The following MYC variants were observed in gnomAD, a reference collection of about 807,000 sequenced individuals.
The protein encoded by MYC is MYC proto-oncogene, bHLH transcription factor.
MYC carries 1 observed loss-of-function variant against 30.5 expected under a neutral mutation model. That is an observed-to-expected ratio of 0.03 (90% CI 0.01 to 0.16). The LOEUF (loss-of-function observed/expected upper bound fraction) is 0.16. Among genes scored for constraint, MYC ranks in the 10% least tolerant of loss-of-function variants. The pLI is 1.00. For synonymous variants in MYC, 267 were observed against 250.7 expected (o/e 1.07, Z -0.62); for missense variants, 508 against 589.0 (o/e 0.86, Z 1.42).
intron 2 of MYC, 124 bp downstream of exon 2, chr8:127,739,143 G>A: frequency 1.8e-6 from 2 of 1,122,714 alleles, no homozygotes; most frequent in Non-Finnish European, 1.2e-6. Context: ...GGAGAGATTT[G>A]GGAGCTCATC....
At position 127,742,073 on chromosome 8, in the gene MYC, T is replaced by C. The variant is rs1813721197; in HGVS notation, c.*1115T>C. ...CAAAACACTTAACCCTTCGCTATCA[T>C]GCCTTGGTTCATCTGGGTCTAATGT... On this transcript the variant is annotated 3_prime_UTR_variant, in exon 3 of 3. Coordinates refer to ENST00000621592, the MANE Select transcript of MYC (RefSeq NM_002467.6). Among the ~76,000 whole-genome samples the C allele has an allele frequency of 6.6e-6, 1 of 152,262 alleles. No individual in the cohort carries two copies. Among genetic ancestry groups the C allele is most frequent in the African/African-American group, 2.4e-5 (1 of 41,466 alleles).
rs1042728424 is a variant in MYC at position 127,738,074 on chromosome 8, G to C, written c.31-174G>C. On this transcript the variant is annotated intron_variant, in intron 1 of 2. Coordinates refer to ENST00000621592, the MANE Select transcript of MYC (RefSeq NM_002467.6). The surrounding 1 kb of genome is among the most constrained non-coding windows in gnomAD (Gnocchi z 7.6). ...CGAGATAGCAGGGGACTGTCCAAAGGGGGTGAAAGGGTGCTCCCTTTATTC... is the reference window on the plus strand; with the variant it reads ...CGAGATAGCAGGGGACTGTCCAAAGCGGGTGAAAGGGTGCTCCCTTTATTC... Among the ~76,000 whole-genome samples the C allele has an allele frequency of 3.3e-5, 5 of 152,106 alleles. No individual in the cohort carries two copies. The highest frequency in any genetic ancestry group is 5.9e-5 in the Non-Finnish European group (4 of 68,016).
rs2130103403 is a variant in MYC at position 127,740,536 on chromosome 8, T to C, written c.943T>C (p.Cys315Arg). 2 of 1,613,516 alleles carry C rather than the reference T, an allele frequency of 1.2e-6. No homozygotes were observed. The highest frequency in any genetic ancestry group is 2.2e-5 in the South Asian group (2 of 91,026). ...TCACAGCCCACTGGTCCTCAAGAGG[T>C]GCCACGTCTCCACACATCAGCACAA... Residue 315 changes from cysteine (C) to arginine (R), a missense_variant, in exon 3 of 3, where the codon TGC (cysteine) becomes CGC (arginine). Around this residue, in one of 5 missense-constraint regions of MYC, gnomAD observed 364 missense variants for 381.1 expected, o/e 0.96. Coordinates refer to ENST00000621592, the MANE Select transcript of MYC (RefSeq NM_002467.6).
chr8:127,736,462 T>C lies in MYC; in HGVS notation c.-132T>C, dbSNP rs568267700. 5.0e-6 allele frequency: 5 copies of C among 1,007,598 alleles called. No homozygotes were observed. The African/African-American group carries it at 8.0e-5, about 16-fold the overall frequency. The allele number at this position is 1,007,598 out of a possible 1,614,324, so 62.4% of individuals were successfully genotyped here. A position where few individuals can be genotyped will look rare whatever the true frequency, so the allele number is the denominator to read the frequency against. Reference sequence around the variant, plus strand: ...ATAGCAGCGGGCGGGCACTTTGCACTGGAACTTACAACACCCGAGCAAGGA... The same window carrying C: ...ATAGCAGCGGGCGGGCACTTTGCACCGGAACTTACAACACCCGAGCAAGGA... On this transcript the variant is annotated 5_prime_UTR_variant, in exon 1 of 3. Transcript: ENST00000621592.
chr8:127,741,418 A>G lies in MYC; in HGVS notation c.*460A>G, dbSNP rs1359749415. ...AAATAAAATAACTGGCAAATATATC[A>G]TTGAGCCAAATCTTAAGTTGTGAAT... On this transcript the variant is annotated 3_prime_UTR_variant, in exon 3 of 3. Coordinates refer to ENST00000621592, the MANE Select transcript of MYC (RefSeq NM_002467.6). 2 of 223,048 alleles carry G rather than the reference A, an allele frequency of 9.0e-6. No individual in the cohort carries two copies. The highest frequency in any genetic ancestry group is 4.5e-5 in the African/African-American group (2 of 44,880). The allele number at this position is 223,048 out of a possible 1,614,324, so 13.8% of individuals were successfully genotyped here.
Position 127,742,639 on chromosome 8 carries a change from T to A in MYC, c.*1681T>A, listed in dbSNP as rs1435856709. Among the ~76,000 whole-genome samples the A allele has an allele frequency of 6.6e-6, 1 of 152,216 alleles. No individual in the cohort carries two copies. The highest frequency in any genetic ancestry group is 1.5e-5 in the Non-Finnish European group (1 of 68,050). On this transcript the variant is annotated 3_prime_UTR_variant, in exon 3 of 3. Coordinates refer to ENST00000621592, the MANE Select transcript of MYC (RefSeq NM_002467.6). ...AGTTCAGATCATAAAATAAAACATATTTATTCTTTGTCATGGGAGTCATTA... is the reference window on the plus strand; with the variant it reads ...AGTTCAGATCATAAAATAAAACATAATTATTCTTTGTCATGGGAGTCATTA...
chr8:127,740,264 C>G (rs1813686667), intron 2 of MYC, 132 bp from the exon 3 acceptor site: 3 of 977,080 alleles, frequency 3.1e-6, no homozygotes, highest in South Asian at 3.4e-5. Context: ...AGATGTGGCT[C>G]TTTGGGGAGA....
rs2130106828 is a variant in MYC at position 127,740,785 on chromosome 8, G to C, written c.1192G>C (p.Glu398Gln). Reference sequence around the variant, plus strand: ...TTTTGCCCTGCGTGACCAGATCCCGGAGTTGGAAAACAATGAAAAGGCCCC... The same window carrying C: ...TTTTGCCCTGCGTGACCAGATCCCGCAGTTGGAAAACAATGAAAAGGCCCC... Residue 398 changes from glutamate to glutamine, a missense_variant, in exon 3 of 3, where the codon GAG (glutamate) becomes CAG (glutamine). Coordinates refer to ENST00000621592, the MANE Select transcript of MYC (RefSeq NM_002467.6). The C allele has an allele frequency of 6.2e-7, 1 of 1,613,992 alleles. No individual in the cohort carries two copies. The highest frequency in any genetic ancestry group is 8.5e-7 in the Non-Finnish European group (1 of 1,180,006).
intron 2 of MYC, among the ~76,000 whole-genome samples, chr8:127,740,193 T>C (rs899652500): frequency 2.6e-5 from 4 of 152,054 alleles, no homozygotes; most frequent in Non-Finnish European, 4.4e-5. Flanking sequence ...GACCTCACGA[T>C]CCGCCCACCT....
chr8:127,736,282 G>C lies in MYC; in HGVS notation c.-312G>C. The C allele has an allele frequency of 1.8e-6, 1 of 546,914 alleles. No individual in the cohort carries two copies. Among genetic ancestry groups the C allele is most frequent in the South Asian group, 2.7e-5 (1 of 37,644 alleles). The allele number at this position is 546,914 out of a possible 1,614,324, so 33.9% of individuals were successfully genotyped here. On this transcript the variant is annotated 5_prime_UTR_variant, in exon 1 of 3. Transcript: ENST00000621592. ...GGCAGAGGGAGCGAGCGGGCGGCCG[G>C]CTAGGGTGGAAGAGCCGGGCGAGCA...
intron 1 of MYC, 36 bp downstream of exon 1, chr8:127,736,659 T>C (rs765884995): frequency 6.2e-7 from 1 of 1,607,170 alleles, no homozygotes; most frequent in South Asian, 1.1e-5. Context: ...TTAATTTATT[T>C]TTTTATCACT....
At position 127,738,981 on chromosome 8, in the gene MYC, T is replaced by A; in HGVS notation, c.764T>A (p.Leu255His). Residue 255 changes from leucine to histidine, a missense_variant, in exon 2 of 3, where the codon CTC (leucine) becomes CAC (histidine). Physicochemically the swap from Leu to His is moderately conservative, Grantham distance 99. Coordinates refer to ENST00000621592, the MANE Select transcript of MYC (RefSeq NM_002467.6). This position sits in a 1 kb window ranked among gnomAD's most constrained non-coding sequence, Gnocchi z 7.6. ...CAGGGCAGCCCCGAGCCCCTGGTGC[T>A]CCATGAGGAGACACCGCCCACCACC... The A allele has an allele frequency of 6.5e-7, 1 of 1,545,082 alleles. No individual in the cohort carries two copies. Among genetic ancestry groups the A allele is most frequent in the South Asian group, 1.2e-5 (1 of 82,224 alleles).
intron 1 of MYC, among the ~76,000 whole-genome samples, chr8:127,736,956 T>C (rs1196746066): frequency 2.0e-5 from 3 of 152,206 alleles, no homozygotes; most frequent in Non-Finnish European, 1.5e-5. Context: ...TCTCTGGGTT[T>C]TGGGGGGCTG....
In MYC at chr8:127,736,376, C is replaced by A; in HGVS notation, c.-218C>A. On this transcript the variant is annotated 5_prime_UTR_variant, in exon 1 of 3. Transcript: ENST00000621592. ...TAGGGGGCTTCGCCTCTGGCCCAGC[C>A]CTCCCGCTGATCCCCCAGCCAGCGG... 1.6e-6 allele frequency: 1 copy of A among 611,938 alleles called. No homozygotes were observed. Among genetic ancestry groups the A allele is most frequent in the Non-Finnish European group, 2.9e-6 (1 of 345,786 alleles). The allele number at this position is 611,938 out of a possible 1,614,324, so 37.9% of individuals were successfully genotyped here.
Position 127,738,135 on chromosome 8 carries a change from C to T in MYC, c.31-113C>T. The T allele has an allele frequency of 1.5e-6, 2 of 1,317,252 alleles. No homozygotes were observed. Among genetic ancestry groups the T allele is most frequent in the Admixed American group, 4.8e-5 (2 of 42,020 alleles). The allele number at this position is 1,317,252 out of a possible 1,614,324, so 81.6% of individuals were successfully genotyped here. On this transcript the variant is annotated intron_variant, in intron 1 of 2. Transcript: ENST00000621592. The surrounding 1 kb of genome is among the most constrained non-coding windows in gnomAD (Gnocchi z 7.6). ...ACCACCCAGCCGCTTTAGGGGATAG[C>T]TCTGCAAGGGGAGAGGTTCGGGACT...
Position 127,741,901 on chromosome 8 carries a change from TATCTCGCAAACCCCAGAGG to T in MYC, c.*949_*967del, listed in dbSNP as rs1383161009. Among the ~76,000 whole-genome samples, 2 of 152,220 alleles carry T rather than the reference TATCTCGCAAACCCCAGAGG, an allele frequency of 1.3e-5. No individual in the cohort carries two copies. Among genetic ancestry groups the T allele is most frequent in the Non-Finnish European group, 2.9e-5 (2 of 68,044 alleles). On this transcript the variant is annotated 3_prime_UTR_variant, in exon 3 of 3. Transcript: ENST00000621592. ...CCAGGCGCCAGTCCTGTCCATGGGT[TATCTCGCAAACCCCAGAGG>T]ATCTCTGGGAGGAATGCTACTATTA...
chr8:127,736,092 G>A, upstream of MYC: 1 of 423,636 alleles, frequency 2.4e-6, no homozygotes, highest in Non-Finnish European at 4.2e-6. Context: ...TGCTGCTCGC[G>A]GCCGCCACCG....
rs1413454578 is a variant in MYC, at chr8:127,738,244, C to T, written c.31-4C>T. The T allele has an allele frequency of 6.3e-7, 1 of 1,577,084 alleles. No homozygotes were observed. The highest frequency in any genetic ancestry group is 8.6e-7 in the Non-Finnish European group (1 of 1,157,776). Reference sequence around the variant, plus strand: ...TGCCTCCCGCTTTGTGTGCCCCGCTCCAGCAGCCTCCCGCGACGATGCCCC... The same window carrying T: ...TGCCTCCCGCTTTGTGTGCCCCGCTTCAGCAGCCTCCCGCGACGATGCCCC... On this transcript the variant is annotated splice_polypyrimidine_tract_variant and splice_region_variant and intron_variant, in intron 1 of 2. Coordinates refer to ENST00000621592, the MANE Select transcript of MYC (RefSeq NM_002467.6). The surrounding 1 kb of genome is among the most constrained non-coding windows in gnomAD (Gnocchi z 7.6).
chr8:127,738,983 C>G lies in MYC; in HGVS notation c.766C>G (p.His256Asp), dbSNP rs781041285. Residue 256 changes from histidine to aspartate, a missense_variant, in exon 2 of 3, where the codon CAT becomes GAT. This residue lies in a region of MYC where 364 missense variants were observed against 381.1 expected (regional missense o/e 0.96). Transcript: ENST00000621592. The surrounding 1 kb of genome is among the most constrained non-coding windows in gnomAD (Gnocchi z 7.6). ...GGGCAGCCCCGAGCCCCTGGTGCTC[C>G]ATGAGGAGACACCGCCCACCACCAG... The G allele has an allele frequency of 1.3e-6, 2 of 1,539,850 alleles. No individual in the cohort carries two copies. Among genetic ancestry groups the G allele is most frequent in the Non-Finnish European group, 1.7e-6 (2 of 1,150,740 alleles).
Sources: gnomAD v4.1 joint callset for allele counts (sites outside exome capture counted in the v4.1 genomes callset) on GRCh38, gnomAD v4.1.1 for gene constraint, gnomAD v4.1.1 regional missense constraint, Gnocchi (gnomAD v3.1) non-coding constraint, MANE v1.5 for transcripts, NCBI Gene and HGNC (gene_info 2026-07-23, HGNC 2026-07-21) for gene names.